DCC: variants seen among roughly 807,000 people sequenced by gnomAD.
DCC encodes the protein netrin receptor DCC.
DCC carries 58 observed loss-of-function variants against 172.5 expected under a neutral mutation model. The ratio of observed to expected loss-of-function variants is 0.34; its 90% confidence interval spans 0.27 to 0.42. DCC has a LOEUF of 0.42. DCC is among the 10% of genes least tolerant of loss of function. DCC has a pLI of 1.00. For synonymous variants in DCC, 709 were observed against 644.5 expected, an observed-to-expected ratio of 1.10 and a Z score of -1.52; for missense variants, 1,740 against 1,791.0, an observed-to-expected ratio of 0.97 and a Z score of 0.51.
chr18:52,999,926 A>G (rs1253527921), intron 5 of DCC, among the ~76,000 whole-genome samples: 1 of 152,012 alleles, frequency 6.6e-6, no homozygotes. Flanking sequence ...TGGTGTCTTT[A>G]TAAGGGAATA....
chr18:53,402,401 A>AAAT (rs1568109019), intron 18 of DCC, among the ~76,000 whole-genome samples: 47 of 144,778 alleles, frequency 3.2e-4, no homozygotes, highest in Middle Eastern at 3.5e-3. Flanking sequence ...AAAAAAAAAA[A>AAAT]AAATAAATAA....
intron 2 of DCC, among the ~76,000 whole-genome samples, chr18:52,837,035 C>G (rs2038719150): frequency 6.6e-6 from 1 of 152,196 alleles, no homozygotes; most frequent in Non-Finnish European, 1.5e-5. Flanking sequence ...AGGCTTGGGG[C>G]TTGCATATTC....
At chr18:53,132,687 A>T (rs2043676280) in intron 7 of DCC, among the ~76,000 whole-genome samples, 1 of 152,124 alleles carries the variant, frequency 6.6e-6, no homozygotes, top group Admixed American at 6.6e-5. Flanking sequence ...TGGTGTCAGG[A>T]CCTGAAAGGG....
intron 1 of DCC, among the ~76,000 whole-genome samples, chr18:52,524,060 G>C (rs1324220930): frequency 6.6e-6 from 1 of 152,174 alleles, no homozygotes; most frequent in East Asian, 1.9e-4. Flanking sequence ...GTTACACCAA[G>C]TTTCTCTAAT....
chr18:52,475,065 T>C (rs181559887), intron 1 of DCC, among the ~76,000 whole-genome samples: 2 of 152,302 alleles, frequency 1.3e-5, no homozygotes, highest in Admixed American at 1.3e-4. Context: ...TGATCTCAAC[T>C]TCCTACCCCC....
intron 12 of DCC, among the ~76,000 whole-genome samples, chr18:53,258,190 G>GT (rs1309452498): frequency 3.3e-5 from 5 of 152,016 alleles, no homozygotes; most frequent in Non-Finnish European, 5.9e-5. Flanking sequence ...TTTTTGAAGG[G>GT]TTTTTTGTGT....
chr18:52,419,787 C>T (rs1987183312), intron 1 of DCC: 3 of 152,034 alleles, frequency 2.0e-5, no homozygotes, highest in Non-Finnish European at 4.4e-5. Context: ...TTATTAAAAC[C>T]CATTTTTTCT....
At chr18:53,465,243 CT>C (rs527307532) in intron 24 of DCC, among the ~76,000 whole-genome samples, 179 of 143,956 alleles carry the variant, frequency 1.2e-3, no homozygotes, top group Admixed American at 1.5e-3. Context: ...ATTCCATTAG[CT>C]TTTTTTTTTT....
At chr18:52,770,727 CAA>C (rs1244502169) in intron 2 of DCC, among the ~76,000 whole-genome samples, 1 of 152,142 alleles carries the variant, frequency 6.6e-6, no homozygotes, top group Non-Finnish European at 1.5e-5. Flanking sequence ...AATGAAAAGT[CAA>C]AAGACTTTAG....
At chr18:53,054,218 G>T (rs188693111) in intron 5 of DCC, among the ~76,000 whole-genome samples, 59 of 151,944 alleles carry the variant, frequency 3.9e-4, no homozygotes, top group African/African-American at 1.4e-3. Flanking sequence ...TAGTTGTATT[G>T]TTATTTTTTT....
At chr18:53,063,600 A>G in intron 6 of DCC, 141 bp downstream of exon 6, 2 of 673,824 alleles carry the variant, frequency 3.0e-6, no homozygotes, top group South Asian at 3.7e-5. Flanking sequence ...CAAATAAAGC[A>G]AATGATTTTC....
rs755186474 is a variant in DCC at position 53,443,665 on chromosome 18, G to T, written c.3230-6835G>T. On this transcript the variant is annotated intron_variant, in intron 22 of 28. Coordinates refer to ENST00000442544, the MANE Select transcript of DCC (RefSeq NM_005215.4). ...GTGTGATTTCCTCTGATGGATCTGA[G>T]CAAAGTAAATTGAAAACGTTTTGGA... Among the ~76,000 whole-genome samples the T allele has an allele frequency of 2.5e-4, 38 of 152,200 alleles. 1 individual carries two copies. Among genetic ancestry groups the T allele is most frequent in the Non-Finnish European group, 4.0e-4 (27 of 68,042 alleles).
At chr18:53,140,537 C>T (rs1213139416) in intron 7 of DCC, among the ~76,000 whole-genome samples, 1 of 151,988 alleles carries the variant, frequency 6.6e-6, no homozygotes, top group Non-Finnish European at 1.5e-5. Context: ...AGAAAGGATT[C>T]GGTAGTTTGT....
chr18:52,412,560 A>G (rs1986878377), intron 1 of DCC, among the ~76,000 whole-genome samples: 3 of 152,148 alleles, frequency 2.0e-5, no homozygotes, highest in Non-Finnish European at 2.9e-5. Flanking sequence ...TAATTTCCAA[A>G]AGCTAATTTT....
At chr18:52,877,777 G>A (rs1246162332) in intron 2 of DCC, among the ~76,000 whole-genome samples, 2 of 149,316 alleles carry the variant, frequency 1.3e-5, no homozygotes, top group Admixed American at 1.4e-4. Flanking sequence ...TGTAATGGGA[G>A]TTTCTAAGTT....
intron 14 of DCC, among the ~76,000 whole-genome samples, chr18:53,335,521 TAC>T (rs927685016): frequency 6.6e-6 from 1 of 152,296 alleles, no homozygotes; most frequent in African/African-American, 2.4e-5. Flanking sequence ...GCATTCATGT[TAC>T]AGAGAATAAC....
intron 1 of DCC, among the ~76,000 whole-genome samples, chr18:52,408,367 T>C (rs1022492848): frequency 6.6e-5 from 10 of 152,058 alleles, no homozygotes; most frequent in Non-Finnish European, 1.3e-4. Context: ...TTTATTAAAT[T>C]TTCTTAAAGA....
intron 5 of DCC, among the ~76,000 whole-genome samples, chr18:52,969,965 ACATT>A (rs768489770): frequency 1.3e-5 from 2 of 152,128 alleles, no homozygotes; most frequent in African/African-American, 4.8e-5. Context: ...AGAGAAGAGA[ACATT>A]CAAAGTACAA....
chr18:52,847,603 CTG>C (rs1346672500), intron 2 of DCC, among the ~76,000 whole-genome samples: 1 of 152,230 alleles, frequency 6.6e-6, no homozygotes, highest in Non-Finnish European at 1.5e-5. Context: ...CACTTCGTCT[CTG>C]TAACCACGTT....
Sources: gnomAD v4.1 joint callset for allele counts (sites outside exome capture counted in the v4.1 genomes callset) on GRCh38, gnomAD v4.1.1 for gene constraint, MANE v1.5 for transcripts, NCBI Gene and HGNC (gene_info 2026-07-23, HGNC 2026-07-21) for gene names.